G3BP2: variants seen among roughly 807,000 people sequenced by gnomAD.
G3BP2 encodes G3BP stress granule assembly factor 2.
Under a neutral mutation model 56.7 loss-of-function variants are expected in G3BP2, and 11 were observed. That is an observed-to-expected ratio of 0.19 (90% CI 0.12 to 0.32). The LOEUF is 0.32. Ranked by LOEUF, G3BP2 falls within the 10% of genes least tolerant of loss-of-function variation. G3BP2 has a pLI of 1.00. For synonymous variants in G3BP2, 165 were observed against 191.6 expected (o/e 0.86, Z 1.15); for missense variants, 340 against 610.9 (o/e 0.56, Z 4.67).
chr4:75,671,581 T>C (rs1733493178), intron 1 of G3BP2, among the ~76,000 whole-genome samples: 1 of 152,234 alleles, frequency 6.6e-6, no homozygotes, highest in African/African-American at 2.4e-5. Context: ...TTGATGTTTT[T>C]TCACTATTAC....
At chr4:75,655,710 G>A (rs17000733) in intron 6 of G3BP2, 58 bp downstream of exon 6, 305,360 of 877,282 alleles carry the variant, frequency 0.35, 57,940 homozygotes, top group African/African-American at 0.51. Context: ...TCTAGGAACA[G>A]AAACCACCTT....
intron 3 of G3BP2, among the ~76,000 whole-genome samples, chr4:75,700,486 T>A: frequency 6.7e-6 from 1 of 148,408 alleles, no homozygotes; most frequent in Non-Finnish European, 1.5e-5. Flanking sequence ...AGTGGTGCGA[T>A]CTTGGCTCAC....
At chr4:75,672,939 C>T in intron 1 of G3BP2, 2 of 935,182 alleles carry the variant, frequency 2.1e-6, no homozygotes, top group Non-Finnish European at 2.6e-6. Flanking sequence ...AAACCTCAAC[C>T]CCACCTGTGC....
intron 3 of G3BP2, among the ~76,000 whole-genome samples, chr4:75,720,827 AT>A (rs1363984311): frequency 6.7e-6 from 1 of 149,508 alleles, no homozygotes; most frequent in African/African-American, 2.4e-5. Context: ...AAATAAATAA[AT>A]AAATAAATAA....
chr4:75,716,730 G>A (rs1382198787), intron 3 of G3BP2, among the ~76,000 whole-genome samples: 2 of 151,846 alleles, frequency 1.3e-5, no homozygotes, highest in Non-Finnish European at 2.9e-5. Flanking sequence ...GGTCAGGCTG[G>A]TCTCGAACTC....
chr4:75,710,972 CTTTAT>C (rs914476756), intron 3 of G3BP2, among the ~76,000 whole-genome samples: 5 of 152,086 alleles, frequency 3.3e-5, no homozygotes, highest in Non-Finnish European at 7.4e-5. Flanking sequence ...CCCTGTCTGG[CTTTAT>C]TTTATTTTAT....
At position 75,707,466 on chromosome 4, in the gene G3BP2, G is replaced by A. The variant is rs1188569487; in HGVS notation, c.-25+13411C>T. ...CTACTAAAAATACAAAAAATTAGCC[G>A]GGCATGGTGGCGGGAGCCTGTAGTC... On this transcript the variant is annotated intron_variant, in intron 3 of 3. Transcript: ENST00000499709. Among the ~76,000 whole-genome samples, 9 of 151,954 alleles carry A rather than the reference G, an allele frequency of 5.9e-5. No homozygotes were observed. The South Asian group carries it at 1.2e-3, about 21-fold the overall frequency.
Position 75,648,854 on chromosome 4 carries a change from T to C in G3BP2, c.826-113A>G, listed in dbSNP as rs981912251. 9 of 622,074 alleles carry C rather than the reference T, an allele frequency of 1.4e-5. No individual in the cohort carries two copies. The African/African-American group carries it at 1.5e-4, about 10-fold the overall frequency. 38.5% of individuals were successfully genotyped at this position (622,074 alleles called of 1,614,324 possible). ...CATAACAGTAGTTTTAAGTTTAGAATGTTTTTAACATAGTGTCCTATGTAT... is the reference window on the plus strand; with the variant it reads ...CATAACAGTAGTTTTAAGTTTAGAACGTTTTTAACATAGTGTCCTATGTAT... On this transcript the variant is annotated intron_variant, in intron 8 of 11. Coordinates refer to ENST00000359707, the MANE Select transcript of G3BP2 (RefSeq NM_203505.3).
At chr4:75,668,257 T>C (rs1733214579) in intron 1 of G3BP2, among the ~76,000 whole-genome samples, 1 of 152,188 alleles carries the variant, frequency 6.6e-6, no homozygotes, top group Non-Finnish European at 1.5e-5. Context: ...TTCCTCAGTT[T>C]CAAAATAACG....
chr4:75,706,251 T>C (rs1437300766), intron 3 of G3BP2, among the ~76,000 whole-genome samples: 1 of 152,214 alleles, frequency 6.6e-6, no homozygotes, highest in African/African-American at 2.4e-5. Flanking sequence ...TTGTTTTTGC[T>C]TTTCCTTTGG....
At chr4:75,676,714 T>G (rs1733890336), upstream of G3BP2, among the ~76,000 whole-genome samples, 1 of 152,218 alleles carries the variant, frequency 6.6e-6, no homozygotes, top group African/African-American at 2.4e-5. Flanking sequence ...TTGCAATAGC[T>G]TTCTACTTGG....
chr4:75,701,783 A>T (rs545055130), intron 3 of G3BP2, among the ~76,000 whole-genome samples: 68 of 152,288 alleles, frequency 4.5e-4, no homozygotes, highest in African/African-American at 1.5e-3. Context: ...ACAAATACTG[A>T]TACAATTTTG....
chr4:75,689,244 G>A (rs901281098), intron 3 of G3BP2, among the ~76,000 whole-genome samples: 1 of 152,128 alleles, frequency 6.6e-6, no homozygotes, highest in Non-Finnish European at 1.5e-5. Context: ...AGGCGTGGTG[G>A]CGCATGCCTG....
chr4:75,670,492 C>T (rs553011886), intron 1 of G3BP2: 3 of 152,264 alleles, frequency 2.0e-5, no homozygotes, highest in East Asian at 3.9e-4. Context: ...CTTATTCAGG[C>T]TCCAAAAGGT....
intron 1 of G3BP2, among the ~76,000 whole-genome samples, chr4:75,666,743 G>A (rs1394238044): frequency 6.6e-6 from 1 of 151,720 alleles, no homozygotes; most frequent in Non-Finnish European, 1.5e-5. Context: ...ATTACAAGAA[G>A]AAAGAATTGT....
chr4:75,673,011 C>G lies in G3BP2; in HGVS notation c.-25+197G>C, dbSNP rs890096096. ...ACCTCCCTTCCCAGGCGGCCTCCCACCCCTCACCTAGAGGAAAGACTGGTC... is the reference window on the plus strand; with the variant it reads ...ACCTCCCTTCCCAGGCGGCCTCCCAGCCCTCACCTAGAGGAAAGACTGGTC... On this transcript the variant is annotated intron_variant, in intron 1 of 11. Transcript: ENST00000359707. 4.0e-6 allele frequency: 4 copies of G among 988,090 alleles called. No homozygotes were observed. In the Admixed American group the frequency reaches 2.4e-4, roughly 60 times the overall value. 61.2% of individuals were successfully genotyped at this position (988,090 alleles called of 1,614,324 possible).
At position 75,713,590 on chromosome 4, in the gene G3BP2, T is replaced by C. The variant is rs182050073; in HGVS notation, c.-25+7287A>G. ...TTAGGCCAGGAGTTCAAGACCAGCC[T>C]GGGCAACACAGCGAGACTCTCAACA... On this transcript the variant is annotated intron_variant, in intron 3 of 3. Transcript: ENST00000499709. Among the ~76,000 whole-genome samples, 203 of 152,266 alleles carry C rather than the reference T, an allele frequency of 1.3e-3. 1 individual carries two copies. The highest frequency in any genetic ancestry group is 2.6e-3 in the Non-Finnish European group (177 of 68,018).
Position 75,646,362 on chromosome 4 carries a change from T to C in G3BP2, c.1152A>G (p.Pro384=). Reference sequence around the variant, plus strand: ...CTTTTGCAATTAAGATTCTCTGAACTGGTTCAGAGTCATCAAAAACCACAA... The same window carrying C: ...CTTTTGCAATTAAGATTCTCTGAACCGGTTCAGAGTCATCAAAAACCACAA... ...FGFVVFDDSE[P]VQRILIAKPI... is the part of the protein sequence containing the mutation. The change falls in exon 11 of 12, where the codon CCA becomes CCG. Residue 384 remains proline (P), a synonymous_variant. Coordinates refer to ENST00000359707, the MANE Select transcript of G3BP2 (RefSeq NM_203505.3). The C allele has an allele frequency of 1.9e-6, 3 of 1,538,722 alleles. No homozygotes were observed. Among genetic ancestry groups the C allele is most frequent in the Non-Finnish European group, 2.7e-6 (3 of 1,123,610 alleles).
chr4:75,722,517 T>C (rs754082059), intron 1 of G3BP2, among the ~76,000 whole-genome samples: 6 of 152,006 alleles, frequency 3.9e-5, no homozygotes, highest in Admixed American at 2.0e-4. Context: ...GATGATGGGG[T>C]AGAGTGAGTT....
Sources: allele counts gnomAD v4.1 joint callset (sites outside exome capture counted in the v4.1 genomes callset), GRCh38; gene constraint gnomAD v4.1.1; transcripts MANE v1.5; gene names NCBI Gene and HGNC (gene_info 2026-07-23, HGNC 2026-07-21).